RTL4: variants seen among roughly 807,000 people sequenced by gnomAD.
The protein encoded by RTL4 is retrotransposon Gag like 4.
In RTL4, 4 loss-of-function variants were observed where a neutral mutation model predicts 5.3. The observed-to-expected ratio is 0.75, with a 90% CI of 0.37 to 1.72. RTL4 has a LOEUF of 1.72. RTL4 is among the 40% of genes most tolerant of loss of function. RTL4 has a pLI of 0.04. For missense variants in RTL4, 260 were observed against 227.1 expected (o/e 1.14, Z -0.93); for synonymous variants, 98 against 87.3 (o/e 1.12, Z -0.68).
At chrX:112,139,461 A>G in the RTL4 span, among the ~76,000 whole-genome samples, 1 of 112,032 alleles carries the variant, frequency 8.9e-6, no homozygotes, top group African/African-American at 3.2e-5. Context: ...TGGAAGATAC[A>G]CTTTGAGGTT....
At chrX:112,369,749 A>G in the RTL4 span, among the ~76,000 whole-genome samples, 1 of 112,169 alleles carries the variant, frequency 8.9e-6, no homozygotes, top group Non-Finnish European at 1.9e-5. Flanking sequence ...CTTTGGCTAG[A>G]AGCTAGAAGA....
the RTL4 span, among the ~76,000 whole-genome samples, chrX:112,087,411 A>G: frequency 9.4e-6 from 1 of 105,826 alleles, no homozygotes; most frequent in South Asian, 4.3e-4. Flanking sequence ...GGGAACATGT[A>G]TGTCCTTGGG....
At chrX:112,213,057 G>A in the RTL4 span, among the ~76,000 whole-genome samples, 1 of 112,204 alleles carries the variant, frequency 8.9e-6, no homozygotes, top group Non-Finnish European at 1.9e-5. Context: ...TGGGAGATTT[G>A]ATAAGCTCAC....
the RTL4 span, among the ~76,000 whole-genome samples, chrX:112,353,512 G>T: frequency 9.0e-6 from 1 of 111,230 alleles, no homozygotes; most frequent in Non-Finnish European, 1.9e-5. Context: ...CATAAAAAAT[G>T]ATGAGTTCAT....
At chrX:112,339,335 T>A in the RTL4 span, among the ~76,000 whole-genome samples, 1 of 111,662 alleles carries the variant, frequency 9.0e-6, no homozygotes, top group African/African-American at 3.2e-5. Context: ...TACATTAGGG[T>A]AACGTTTGCA....
chrX:112,151,422 A>C, the RTL4 span, among the ~76,000 whole-genome samples: 1 of 110,624 alleles, frequency 9.0e-6, no homozygotes, highest in African/African-American at 3.3e-5. Context: ...CCTCTCCCCA[A>C]CTCCATCCCA....
chrX:112,140,567 G>T, the RTL4 span, among the ~76,000 whole-genome samples: 9 of 111,153 alleles, frequency 8.1e-5, no homozygotes, highest in Admixed American at 5.8e-4. Flanking sequence ...CTTACAGATG[G>T]CACCTTCTTG....
chrX:112,144,502 A>AC, the RTL4 span, among the ~76,000 whole-genome samples: 6 of 111,271 alleles, frequency 5.4e-5, no homozygotes, highest in Admixed American at 5.7e-4. Flanking sequence ...TACTTTGAGA[A>AC]CCACTGAGTT....
chrX:112,242,462 T>A, the RTL4 span, among the ~76,000 whole-genome samples: 7 of 111,721 alleles, frequency 6.3e-5, no homozygotes, highest in African/African-American at 2.3e-4. Context: ...GTAGCAATTG[T>A]GATTGAGAGT....
At chrX:112,113,065 T>A in the RTL4 span, among the ~76,000 whole-genome samples, 1 of 111,912 alleles carries the variant, frequency 8.9e-6, no homozygotes, top group Non-Finnish European at 1.9e-5. Context: ...CAGGGACTGC[T>A]GCATTTTCTT....
the RTL4 span, among the ~76,000 whole-genome samples, chrX:112,233,193 C>T: frequency 5.4e-5 from 6 of 111,689 alleles, no homozygotes; most frequent in African/African-American, 2.0e-4. Flanking sequence ...GTAAACTTGT[C>T]GAAAGGTCAC....
chrX:112,325,862 G>A, the RTL4 span, among the ~76,000 whole-genome samples: 17 of 111,824 alleles, frequency 1.5e-4, no homozygotes, highest in East Asian at 5.6e-4. Flanking sequence ...GAGTGAACAC[G>A]CAACCTACAG....
chrX:112,451,016 AT>A (rs769248843), upstream of RTL4, among the ~76,000 whole-genome samples: 3 of 111,212 alleles, frequency 2.7e-5, no homozygotes, highest in Non-Finnish European at 1.9e-5. Flanking sequence ...CTATTCAGAC[AT>A]TTTTTTTCCC....
At chrX:112,259,099 G>A in the RTL4 span, among the ~76,000 whole-genome samples, 1 of 111,074 alleles carries the variant, frequency 9.0e-6, no homozygotes, top group South Asian at 3.8e-4. Context: ...TAGTTTTCTG[G>A]CTAATCTTGT....
At chrX:112,250,403 G>A in the RTL4 span, among the ~76,000 whole-genome samples, 3 of 111,643 alleles carry the variant, frequency 2.7e-5, no homozygotes, top group African/African-American at 9.8e-5. Context: ...TTGCTCAATT[G>A]TCTGTCGCTA....
the RTL4 span, among the ~76,000 whole-genome samples, chrX:112,210,901 A>G: frequency 9.8e-5 from 11 of 112,624 alleles, no homozygotes; most frequent in Admixed American, 1.0e-3. Flanking sequence ...AACTGTCTCC[A>G]CTATAACATA....
At chrX:112,423,736 G>T in the RTL4 span, among the ~76,000 whole-genome samples, 1 of 111,613 alleles carries the variant, frequency 9.0e-6, no homozygotes, top group Admixed American at 9.6e-5. Context: ...TTCCTTATGT[G>T]ATTTTAAAAG....
chrX:112,454,787 C>T (rs1473629728), exon 1 of RTL4: 1 of 1,207,341 alleles, frequency 8.3e-7, no homozygotes, highest in South Asian at 1.8e-5. Flanking sequence ...TTTCTTCAGG[C>T]AGAGAATCTG....
chrX:112,277,535 G>A, the RTL4 span, among the ~76,000 whole-genome samples: 1 of 112,086 alleles, frequency 8.9e-6, no homozygotes, highest in Non-Finnish European at 1.9e-5. Flanking sequence ...ATTTTAGACA[G>A]TCAGTGGGGA....
Sources: allele counts gnomAD v4.1 joint callset (sites outside exome capture counted in the v4.1 genomes callset), GRCh38; gene constraint gnomAD v4.1.1; transcripts MANE v1.5; gene names NCBI Gene and HGNC (gene_info 2026-07-23, HGNC 2026-07-21).